RPS6KA1: variants seen among roughly 807,000 people sequenced by gnomAD.
The protein encoded by RPS6KA1 is ribosomal protein S6 kinase A1, also known as ribosomal protein S6 kinase alpha-1.
A neutral mutation model predicts 91.3 loss-of-function variants in RPS6KA1; 48 were observed. The observed-to-expected ratio is 0.53, with a 90% CI of 0.42 to 0.67. RPS6KA1 has a LOEUF of 0.67. RPS6KA1 is among the 30% of genes least tolerant of loss of function. RPS6KA1 has a pLI of 0.00. For missense variants in RPS6KA1, 719 were observed against 960.5 expected (o/e 0.75, Z 3.32); for synonymous variants, 359 against 384.7 (o/e 0.93, Z 0.78).
At chr1:26,549,813 T>C (rs1412110423) in intron 4 of RPS6KA1, among the ~76,000 whole-genome samples, 1 of 150,452 alleles carries the variant, frequency 6.6e-6, no homozygotes, top group Non-Finnish European at 1.5e-5. Context: ...GCAATTCTCC[T>C]GCCTCAGCCT....
chr1:26,544,986 CCT>C (rs1055640166), intron 2 of RPS6KA1, among the ~76,000 whole-genome samples: 20 of 152,068 alleles, frequency 1.3e-4, no homozygotes, highest in African/African-American at 4.8e-4. Flanking sequence ...TCTCTGTCCA[CCT>C]CTGTCTGTTA....
At chr1:26,542,991 A>T in intron 2 of RPS6KA1, 1 of 653,722 alleles carries the variant, frequency 1.5e-6, no homozygotes, top group South Asian at 2.0e-5. Context: ...TGGGGTCTGC[A>T]GTGTCCCCTC....
In RPS6KA1 at chr1:26,551,023, CAGGGGGAGGTGCAG is replaced by C. The variant is rs1462768618; in HGVS notation, c.308-370_308-357del. 5.3e-5 allele frequency among the ~76,000 whole-genome samples: 8 copies of C among 152,000 alleles called. No individual in the cohort carries two copies. Among genetic ancestry groups the C allele is most frequent in the African/African-American group, 1.9e-4 (8 of 41,370 alleles). ...GAAAGCAGAGCTGGTGAAGGCATGC[CAGGGGGAGGTGCAG>C]AGGCAAAGTCTGAGGATCTGACAAA... On this transcript the variant is annotated intron_variant, in intron 4 of 21. Transcript: ENST00000374168. The surrounding 1 kb of genome is among the most constrained non-coding windows in gnomAD (Gnocchi z 4.5).
Position 26,556,598 on chromosome 1 carries a change from G to GTAA in RPS6KA1, c.917-53_917-51dup, listed in dbSNP as rs2076103567. 2.5e-6 allele frequency: 4 copies of GTAA among 1,584,026 alleles called. No individual in the cohort carries two copies. The African/African-American group carries it at 5.4e-5, about 21-fold the overall frequency. On this transcript the variant is annotated intron_variant, in intron 11 of 21. Coordinates refer to ENST00000374168, the MANE Select transcript of RPS6KA1 (RefSeq NM_002953.4). ...CCTGTGAGGCTGCTTGGTGGGCAGGGTAATATCTGGGACTTGTGCCAGCCA... is the reference window on the plus strand; with the variant it reads ...CCTGTGAGGCTGCTTGGTGGGCAGGGTAATAATATCTGGGACTTGTGCCAGCCA...
Position 26,561,740 on chromosome 1 carries a change from G to C in RPS6KA1, c.1590+77G>C. On this transcript the variant is annotated intron_variant, in intron 17 of 21. Coordinates refer to ENST00000374168, the MANE Select transcript of RPS6KA1 (RefSeq NM_002953.4). This position sits in a 1 kb window ranked among gnomAD's most constrained non-coding sequence, Gnocchi z 5.7. Reference sequence around the variant, plus strand: ...AGCAGAGAACATGAACCACCTGCTGGCCCAGGAATGGCAGCCTCCAGCTAG... The same window carrying C: ...AGCAGAGAACATGAACCACCTGCTGCCCCAGGAATGGCAGCCTCCAGCTAG... 6.9e-7 allele frequency: 1 copy of C among 1,440,260 alleles called. No individual in the cohort carries two copies. Among genetic ancestry groups the C allele is most frequent in the Non-Finnish European group, 9.4e-7 (1 of 1,063,958 alleles). 89.2% of individuals were successfully genotyped at this position (1,440,260 alleles called of 1,614,324 possible).
Position 26,574,875 on chromosome 1 carries a change from T to C in RPS6KA1, c.*674T>C, listed in dbSNP as rs778250775. 1.0e-5 allele frequency: 2 copies of C among 194,776 alleles called. No individual in the cohort carries two copies. The highest frequency in any genetic ancestry group is 2.2e-5 in the Non-Finnish European group (2 of 92,566). The allele number at this position is 194,776 out of a possible 1,614,324, so 12.1% of individuals were successfully genotyped here. On this transcript the variant is annotated 3_prime_UTR_variant, in exon 22 of 22. Coordinates refer to ENST00000374168, the MANE Select transcript of RPS6KA1 (RefSeq NM_002953.4). The surrounding 1 kb of genome is among the most constrained non-coding windows in gnomAD (Gnocchi z 4.3). ...GAGAGAGGATGTGGAAAGCACTTTTTGGCTGACTTCATCTGGGGTTGGCAA... is the reference window on the plus strand; with the variant it reads ...GAGAGAGGATGTGGAAAGCACTTTTCGGCTGACTTCATCTGGGGTTGGCAA...
rs61786474 is a variant in RPS6KA1 at position 26,560,539 on chromosome 1, T to C, written c.1216-187T>C. Among the ~76,000 whole-genome samples the C allele has an allele frequency of 2.8e-3, 428 of 152,308 alleles. 1 individual carries two copies. Among genetic ancestry groups the C allele is most frequent in the Admixed American group, 5.6e-3 (85 of 15,302 alleles). On this transcript the variant is annotated intron_variant, in intron 14 of 21. Transcript: ENST00000374168. ...TGGGAGCCAGTGAGTATGCCCATTATATAGAGTAGAAAACTGAGGCCCAGA... is the reference window on the plus strand; with the variant it reads ...TGGGAGCCAGTGAGTATGCCCATTACATAGAGTAGAAAACTGAGGCCCAGA...
chr1:26,573,533 C>A (rs751576991), intron 21 of RPS6KA1, among the ~76,000 whole-genome samples, 172 bp downstream of exon 21: 1 of 152,158 alleles, frequency 6.6e-6, no homozygotes, highest in South Asian at 2.1e-4. Flanking sequence ...TACAGTGTCA[C>A]GGTGCACTCA....
intron 17 of RPS6KA1, among the ~76,000 whole-genome samples, chr1:26,565,850 G>A (rs922942772): frequency 1.2e-4 from 19 of 152,044 alleles, no homozygotes; most frequent in Non-Finnish European, 1.9e-4. Flanking sequence ...GCGCGGCCCC[G>A]TTTTGGAATT....
chr1:26,571,442 C>A lies in RPS6KA1; in HGVS notation c.1591-7C>A. 1.2e-6 allele frequency: 2 copies of A among 1,614,032 alleles called. No individual in the cohort carries two copies. Among genetic ancestry groups the A allele is most frequent in the Non-Finnish European group, 1.7e-6 (2 of 1,179,930 alleles). ...ACTGAGAACTGACCCCAGCCCCCTG[C>A]CCCTAGGTTGTGCACAGGGACCTGA... On this transcript the variant is annotated splice_region_variant and splice_polypyrimidine_tract_variant and intron_variant, in intron 17 of 21. Coordinates refer to ENST00000374168, the MANE Select transcript of RPS6KA1 (RefSeq NM_002953.4). This position sits in a 1 kb window ranked among gnomAD's most constrained non-coding sequence, Gnocchi z 5.1.
Position 26,561,358 on chromosome 1 carries a change from C to G in RPS6KA1, c.1432-147C>G. On this transcript the variant is annotated intron_variant, in intron 16 of 21. Transcript: ENST00000374168. This position sits in a 1 kb window ranked among gnomAD's most constrained non-coding sequence, Gnocchi z 5.7. ...GTATCAGGAGACCAGTGTCAGCATC[C>G]TCCTTTTGGGGAAGGCAGGACCACT... is the stretch of plus-strand genomic sequence containing the variant. 9.2e-7 allele frequency: 1 copy of G among 1,086,662 alleles called. No homozygotes were observed. The highest frequency in any genetic ancestry group is 1.4e-6 in the Non-Finnish European group (1 of 735,898). The allele number at this position is 1,086,662 out of a possible 1,614,324, so 67.3% of individuals were successfully genotyped here. A position where few individuals can be genotyped will look rare whatever the true frequency, so the allele number is the denominator to read the frequency against.
Position 26,573,251 on chromosome 1 carries a change from G to T in RPS6KA1, c.1975G>T (p.Asp659Tyr), listed in dbSNP as rs1157234373. Residue 659 changes from aspartate to tyrosine, a missense_variant, in exon 21 of 22, where the codon GAT (aspartate) becomes TAT (tyrosine). Asp to Tyr is a radical substitution (Grantham distance 160). Transcript: ENST00000374168. ...KDLVSKMLHVDPHQRLTAKQV... is the reference protein window; with the variant it reads ...KDLVSKMLHVYPHQRLTAKQV... ...CCTGGTGTCCAAGATGCTACACGTG[G>T]ATCCCCACCAGCGCCTCACAGCTAA... is the stretch of plus-strand genomic sequence containing the variant. The T allele has an allele frequency of 6.2e-7, 1 of 1,614,152 alleles. No individual in the cohort carries two copies. The highest frequency in any genetic ancestry group is 1.7e-5 in the Admixed American group (1 of 60,024).
intron 17 of RPS6KA1, among the ~76,000 whole-genome samples, chr1:26,567,444 A>G (rs896741244): frequency 6.6e-6 from 1 of 151,966 alleles, no homozygotes; most frequent in Non-Finnish European, 1.5e-5. Context: ...ACAATGGCGC[A>G]GTCTCGGCTC....
intron 6 of RPS6KA1, among the ~76,000 whole-genome samples, chr1:26,552,547 T>G (rs1279023525): frequency 6.9e-6 from 1 of 144,072 alleles, no homozygotes; most frequent in Non-Finnish European, 1.5e-5. Flanking sequence ...AGTGCACTGG[T>G]GGGGTCTCAG....
Position 26,560,812 on chromosome 1 carries a change from C to T in RPS6KA1, c.1302C>T (p.Arg434=), listed in dbSNP as rs756342258. ...TGGGCTCCTACTCTGAGTGCAAGCG[C>T]TGTGTCCACAAGGCCACCAACATGG... ...IGVGSYSECK[R]CVHKATNMEY... Residue 434 remains arginine (R), a synonymous_variant, in exon 15 of 22, where the codon CGC becomes CGT. Transcript: ENST00000374168. The T allele has an allele frequency of 6.2e-7, 1 of 1,614,238 alleles. No homozygotes were observed.
rs2076003522 is a variant in RPS6KA1, at chr1:26,547,248, G to T, written c.285G>T (p.Val95=). 1.2e-6 allele frequency: 2 copies of T among 1,613,954 alleles called. No homozygotes were observed. The highest frequency in any genetic ancestry group is 4.5e-5 in the East Asian group (2 of 44,876). The change falls in exon 4 of 22, where the codon GTG becomes GTT. Residue 95 remains valine (V), a synonymous_variant. Transcript: ENST00000374168. The surrounding 1 kb of genome is among the most constrained non-coding windows in gnomAD (Gnocchi z 4.1). ...PDSGHLYAMK[V]LKKATLKVRD... ...GTGGGCACCTGTATGCTATGAAGGT[G>T]CTGAAGAAGGCAACGCTGAAAGGTG...
rs774428381 is a variant in RPS6KA1, at chr1:26,558,903, G to C, written c.1181G>C (p.Arg394Pro). Residue 394 changes from arginine (R) to proline (P), a missense_variant, in exon 14 of 22, where the codon CGT becomes CCT. Physicochemically the swap from Arg to Pro is moderately radical, Grantham distance 103 (BLOSUM62 -2). This residue lies in a region of RPS6KA1 where 228 missense variants were observed against 247.6 expected (regional missense o/e 0.92). Coordinates refer to ENST00000374168, the MANE Select transcript of RPS6KA1 (RefSeq NM_002953.4). The surrounding 1 kb of genome is among the most constrained non-coding windows in gnomAD (Gnocchi z 4.0). ...CTGATGGAAGACGACGGCAAGCCTC[G>C]TGCCCCGCAGGCACCCCTGCACTCG... ...TGLMEDDGKP[R>P]APQAPLHSVV... The C allele has an allele frequency of 4.3e-5, 70 of 1,613,500 alleles. No homozygotes were observed. Among genetic ancestry groups the C allele is most frequent in the Non-Finnish European group, 5.9e-5 (70 of 1,179,638 alleles).
intron 17 of RPS6KA1, among the ~76,000 whole-genome samples, chr1:26,568,781 A>G (rs540531094): frequency 6.6e-6 from 1 of 152,138 alleles, no homozygotes; most frequent in Non-Finnish European, 1.5e-5. Flanking sequence ...AAAAAAGGTC[A>G]ACTTCCATAT....
Position 26,540,729 on chromosome 1 carries a change from C to A in RPS6KA1, c.108+3760C>A, listed in dbSNP as rs565278325. ...TAGCTGGGACTACAGGCGCACGCCA[C>A]TATGCCCAGCCAGGAGTTCAACACA... On this transcript the variant is annotated intron_variant, in intron 2 of 21. Transcript: ENST00000374168. This position sits in a 1 kb window ranked among gnomAD's most constrained non-coding sequence, Gnocchi z 4.2. Among the ~76,000 whole-genome samples the A allele has an allele frequency of 6.6e-6, 1 of 152,346 alleles. No homozygotes were observed. Among genetic ancestry groups the A allele is most frequent in the East Asian group, 1.9e-4 (1 of 5,184 alleles).
Sources: gnomAD v4.1 joint callset for allele counts (sites outside exome capture counted in the v4.1 genomes callset) on GRCh38, gnomAD v4.1.1 for gene constraint, gnomAD v4.1.1 regional missense constraint, Gnocchi (gnomAD v3.1) non-coding constraint, MANE v1.5 for transcripts, NCBI Gene and HGNC (gene_info 2026-07-23, HGNC 2026-07-21) for gene names.